COL5A2: variants seen among roughly 807,000 people sequenced by gnomAD.
COL5A2 encodes collagen alpha-2(V) chain.
COL5A2 carries 23 observed loss-of-function variants against 208.2 expected under a neutral mutation model. The observed-to-expected ratio is 0.11, with a 90% CI of 0.08 to 0.16. COL5A2 has a LOEUF of 0.16. COL5A2 is among the 10% of genes least tolerant of loss of function. The pLI, the probability that COL5A2 is intolerant of heterozygous loss-of-function variation, is 1.00. For synonymous variants in COL5A2, 625 were observed against 628.5 expected (o/e 0.99, Z 0.08); for missense variants, 1,590 against 1,956.4 (o/e 0.81, Z 3.53).
Position 189,035,124 on chromosome 2 carries a change from G to A in COL5A2, c.4145C>T (p.Thr1382Ile). The A allele has an allele frequency of 6.2e-7, 1 of 1,613,898 alleles. No individual in the cohort carries two copies. Among genetic ancestry groups the A allele is most frequent in the Non-Finnish European group, 8.5e-7 (1 of 1,179,876 alleles). The part of the protein sequence containing the change: ...FAYGDHQSPN[T>I]AITQMTFLRL... ...CAAAAAAGTCATCTGAGTAATGGCT[G>A]TATTAGGTGATTGGTGGTCTCCATA... The change falls in exon 53 of 54, where the codon ACA (threonine) becomes ATA (isoleucine). Residue 1382 changes from threonine (T) to isoleucine (I), a missense_variant. Transcript: ENST00000374866.
the COL5A2 span, among the ~76,000 whole-genome samples, chr2:189,275,641 C>T: frequency 3.3e-5 from 5 of 151,818 alleles, no homozygotes; most frequent in East Asian, 1.9e-4. Flanking sequence ...TTAGTAGAGA[C>T]GGGCTTTCAC....
chr2:189,353,864 G>A, the COL5A2 span, among the ~76,000 whole-genome samples: 1 of 152,094 alleles, frequency 6.6e-6, no homozygotes, highest in Non-Finnish European at 1.5e-5. Flanking sequence ...CTTGTCTTAT[G>A]CCGGTTTTCA....
chr2:189,080,859 G>C, intron 13 of COL5A2, 131 bp downstream of exon 13: 2 of 768,042 alleles, frequency 2.6e-6, no homozygotes, highest in East Asian at 5.1e-5. Flanking sequence ...AGTAACCACA[G>C]ATGAATACTG....
chr2:189,366,377 C>T, the COL5A2 span, among the ~76,000 whole-genome samples: 2 of 152,298 alleles, frequency 1.3e-5, no homozygotes, highest in African/African-American at 4.8e-5. Context: ...TTGGCAATGT[C>T]TGAAGACATT....
chr2:189,175,604 C>T (rs1251709878), intron 1 of COL5A2, among the ~76,000 whole-genome samples: 4 of 147,368 alleles, frequency 2.7e-5, no homozygotes. Context: ...AGTGCAGTGG[C>T]ACGGTCTCAG....
At chr2:189,083,925 G>C in intron 12 of COL5A2, 59 bp downstream of exon 12, 1 of 1,242,650 alleles carries the variant, frequency 8.0e-7, no homozygotes, top group Non-Finnish European at 1.2e-6. Flanking sequence ...AGAGAATTGT[G>C]ATTTAATTCA....
At chr2:189,257,628 G>T in the COL5A2 span, among the ~76,000 whole-genome samples, 41 of 152,276 alleles carry the variant, frequency 2.7e-4, no homozygotes, top group African/African-American at 9.9e-4. Flanking sequence ...TTTAAGATGT[G>T]TGATATGCAG....
the COL5A2 span, among the ~76,000 whole-genome samples, chr2:189,352,351 G>A: frequency 1.6e-3 from 246 of 152,252 alleles, 2 homozygotes; most frequent in African/African-American, 5.4e-3. Flanking sequence ...GGTATTTCTA[G>A]TTCTAGATCC....
At chr2:189,240,926 CAT>C in the COL5A2 span, among the ~76,000 whole-genome samples, 1 of 152,098 alleles carries the variant, frequency 6.6e-6, no homozygotes, top group Non-Finnish European at 1.5e-5. Flanking sequence ...AGAATAGAAC[CAT>C]ATTAATAACA....
Position 189,068,783 on chromosome 2 carries a change from T to C in COL5A2, c.1257+3A>G. The stretch of plus-strand genomic sequence containing the variant: ...CTGGTTCTTAAATATGCTAGAAACT[T>C]ACAGGAAGACCTGGAGAGCCAACTG... On this transcript the variant is annotated splice_donor_region_variant and intron_variant, in intron 19 of 53. Transcript: ENST00000374866. 6.2e-7 allele frequency: 1 copy of C among 1,607,114 alleles called. No homozygotes were observed. Among genetic ancestry groups the C allele is most frequent in the East Asian group, 2.2e-5 (1 of 44,840 alleles).
chr2:189,419,031 C>T, the COL5A2 span, among the ~76,000 whole-genome samples: 2 of 152,146 alleles, frequency 1.3e-5, no homozygotes, highest in Admixed American at 1.3e-4. Flanking sequence ...CCAAGGGTAA[C>T]CCACAATCAA....
chr2:189,294,166 A>G, the COL5A2 span, among the ~76,000 whole-genome samples: 1 of 151,708 alleles, frequency 6.6e-6, no homozygotes, highest in Non-Finnish European at 1.5e-5. Flanking sequence ...ATAGCACACT[A>G]TTGCTTTCCT....
At chr2:189,053,531 A>C (rs1685836338) in intron 37 of COL5A2, 54 bp from the exon 38 acceptor site, 1 of 1,426,594 alleles carries the variant, frequency 7.0e-7, no homozygotes, top group East Asian at 2.3e-5. Context: ...AAACAGGAAC[A>C]GTATTTTAAA....
At chr2:189,318,336 C>T in the COL5A2 span, among the ~76,000 whole-genome samples, 1 of 152,182 alleles carries the variant, frequency 6.6e-6, no homozygotes, top group African/African-American at 2.4e-5. Context: ...GCTGACTTAT[C>T]CTCAAGGATT....
chr2:189,144,993 C>A (rs908421142), intron 1 of COL5A2, among the ~76,000 whole-genome samples: 1 of 152,152 alleles, frequency 6.6e-6, no homozygotes, highest in Admixed American at 6.6e-5. Context: ...TGAACTAGCC[C>A]TTCTTAGAGT....
chr2:189,302,528 C>CTAAA, the COL5A2 span, among the ~76,000 whole-genome samples: 4 of 152,122 alleles, frequency 2.6e-5, no homozygotes. Flanking sequence ...CAACCCTGAT[C>CTAAA]TAAAGTGCAC....
the COL5A2 span, among the ~76,000 whole-genome samples, chr2:189,392,909 T>C: frequency 6.6e-6 from 1 of 152,178 alleles, no homozygotes; most frequent in African/African-American, 2.4e-5. Context: ...AGAATTAATT[T>C]TTGGAAATAC....
At chr2:189,375,683 T>A in the COL5A2 span, among the ~76,000 whole-genome samples, 7 of 152,162 alleles carry the variant, frequency 4.6e-5, no homozygotes, top group African/African-American at 1.7e-4. Flanking sequence ...GATTCAAGAT[T>A]TTTGCAAGAT....
intron 1 of COL5A2, among the ~76,000 whole-genome samples, chr2:189,136,613 G>A (rs1301789743): frequency 6.6e-6 from 1 of 151,066 alleles, no homozygotes; most frequent in Non-Finnish European, 1.5e-5. Context: ...GAAATTTTAT[G>A]ATGCTAACAA....
Sources: allele counts gnomAD v4.1 joint callset (sites outside exome capture counted in the v4.1 genomes callset), GRCh38; gene constraint gnomAD v4.1.1; transcripts MANE v1.5; gene names NCBI Gene and HGNC (gene_info 2026-07-23, HGNC 2026-07-21).